Variants in FGF12 observed in about 807,000 individuals in gnomAD.
The protein encoded by FGF12 is fibroblast growth factor 12B.
In FGF12, 14 loss-of-function variants were observed where a neutral mutation model predicts 23.6. The ratio of observed to expected loss-of-function variants is 0.59; its 90% confidence interval spans 0.39 to 0.93. The LOEUF (loss-of-function observed/expected upper bound fraction) is 0.93, where lower values mean the gene tolerates loss of function less well. Ranked by LOEUF, FGF12 falls within the 40% of genes least tolerant of loss-of-function variation. The pLI is 0.00. For missense variants in FGF12, 175 were observed against 217.8 expected, an observed-to-expected ratio of 0.80 and a Z score of 1.24; for synonymous variants, 62 against 77.3, an observed-to-expected ratio of 0.80 and a Z score of 1.04.
At chr3:192,261,556 G>T (rs185615603) in intron 4 of FGF12, among the ~76,000 whole-genome samples, 3 of 152,300 alleles carry the variant, frequency 2.0e-5, no homozygotes, top group East Asian at 3.9e-4. Context: ...GTGATCTAAA[G>T]TGTCTGTAGA....
chr3:192,688,828 G>A (rs139773009), intron 2 of FGF12, among the ~76,000 whole-genome samples: 3 of 152,120 alleles, frequency 2.0e-5, no homozygotes, highest in African/African-American at 7.2e-5. Context: ...GCAAAAACAT[G>A]GAATCAACCT....
Position 192,627,728 on chromosome 3 carries a change from G to A in FGF12, c.13+99453C>T, listed in dbSNP as rs561001885. ...GTAAGAAATAATGTAGAGAGAACCC[G>A]TGTATACTTTACGTAGTTTCCCCCA... On this transcript the variant is annotated intron_variant, in intron 2 of 5. Coordinates refer to ENST00000445105, the MANE Select transcript of FGF12 (RefSeq NM_004113.6). Among the ~76,000 whole-genome samples, 12 of 152,212 alleles carry A rather than the reference G, an allele frequency of 7.9e-5. No individual in the cohort carries two copies. The South Asian group carries it at 1.0e-3, about 13-fold the overall frequency.
chr3:192,539,792 G>T (rs1370242836), intron 2 of FGF12, among the ~76,000 whole-genome samples: 2 of 151,878 alleles, frequency 1.3e-5, no homozygotes, highest in Non-Finnish European at 2.9e-5. Flanking sequence ...GCTTTTCGTT[G>T]CTGGGTGACT....
chr3:192,260,095 T>C (rs939091324), intron 4 of FGF12, among the ~76,000 whole-genome samples: 1 of 152,132 alleles, frequency 6.6e-6, no homozygotes, highest in African/African-American at 2.4e-5. Flanking sequence ...TCTACGATAA[T>C]ATCAATAACC....
chr3:192,518,902 C>G (rs1401752361), intron 2 of FGF12, among the ~76,000 whole-genome samples: 2 of 151,292 alleles, frequency 1.3e-5, no homozygotes, highest in Non-Finnish European at 3.0e-5. Context: ...TGTTCCTCTT[C>G]TTCCTCCTTC....
At chr3:192,605,904 T>C (rs1198797878) in intron 2 of FGF12, among the ~76,000 whole-genome samples, 1 of 152,190 alleles carries the variant, frequency 6.6e-6, no homozygotes, top group African/African-American at 2.4e-5. Context: ...AAGGGAATGC[T>C]TATAAACTGT....
At chr3:192,277,606 A>G (rs2886705) in intron 4 of FGF12, among the ~76,000 whole-genome samples, 30,299 of 152,062 alleles carry the variant, frequency 0.2, 3,652 homozygotes, top group East Asian at 0.59. Context: ...CAGAACCTAC[A>G]ACTGTGTTGC....
At chr3:192,700,342 T>C (rs57712136) in intron 2 of FGF12, among the ~76,000 whole-genome samples, 1 of 152,200 alleles carries the variant, frequency 6.6e-6, no homozygotes, top group African/African-American at 2.4e-5. Context: ...GCCACAGTTA[T>C]TGAAATTTAA....
At chr3:192,699,334 G>A (rs779985079) in intron 2 of FGF12, among the ~76,000 whole-genome samples, 1 of 152,066 alleles carries the variant, frequency 6.6e-6, no homozygotes. Context: ...TTTCCTACAC[G>A]ATTTCAAGTC....
At chr3:192,602,526 A>G (rs1027998729) in intron 2 of FGF12, among the ~76,000 whole-genome samples, 2 of 152,042 alleles carry the variant, frequency 1.3e-5, no homozygotes, top group African/African-American at 4.8e-5. Context: ...AGTGTAGTTG[A>G]ATTAACGCTG....
chr3:192,444,593 C>G (rs549317667), intron 2 of FGF12, among the ~76,000 whole-genome samples: 2 of 152,276 alleles, frequency 1.3e-5, no homozygotes, highest in African/African-American at 4.8e-5. Context: ...TCAAACAAGC[C>G]TATGCCATAA....
chr3:192,389,622 TA>T (rs1240248246), intron 2 of FGF12, among the ~76,000 whole-genome samples: 1 of 152,202 alleles, frequency 6.6e-6, no homozygotes, highest in African/African-American at 2.4e-5. Context: ...TGATTCTACT[TA>T]AAATTATTTT....
chr3:192,462,634 G>C (rs1722897541), intron 2 of FGF12, among the ~76,000 whole-genome samples: 1 of 152,130 alleles, frequency 6.6e-6, no homozygotes, highest in Admixed American at 6.5e-5. Flanking sequence ...CTGACACAGA[G>C]TTATTGGCAA....
In FGF12 at chr3:192,502,426, AT is replaced by A. The variant is rs1251891845; in HGVS notation, c.14-141889del. ...GAGAACAGATCATCCCAAGAAGAGC[AT>A]GTCAGACTAATCTCTTTGCAATCTA... On this transcript the variant is annotated intron_variant, in intron 2 of 5. Coordinates refer to ENST00000445105, the MANE Select transcript of FGF12 (RefSeq NM_004113.6). Among the ~76,000 whole-genome samples, 13 of 152,332 alleles carry A rather than the reference AT, an allele frequency of 8.5e-5. No homozygotes were observed. The East Asian group carries it at 2.5e-3, about 29-fold the overall frequency.
chr3:192,314,165 G>T (rs1716106241), intron 4 of FGF12, among the ~76,000 whole-genome samples: 1 of 152,034 alleles, frequency 6.6e-6, no homozygotes, highest in African/African-American at 2.4e-5. Flanking sequence ...AGAACTGTGA[G>T]AAATGAATGT....
chr3:192,339,371 C>T (rs1357779457), intron 3 of FGF12, among the ~76,000 whole-genome samples: 1 of 152,180 alleles, frequency 6.6e-6, no homozygotes, highest in African/African-American at 2.4e-5. Context: ...CTTGACTCCA[C>T]CCACTCTTTA....
chr3:192,548,647 C>T (rs531451793), intron 2 of FGF12, among the ~76,000 whole-genome samples: 32 of 152,254 alleles, frequency 2.1e-4, no homozygotes, highest in Non-Finnish European at 3.5e-4. Flanking sequence ...AGATTCTGAA[C>T]ATTATTATTA....
chr3:192,204,421 T>C (rs1296176985), intron 4 of FGF12, among the ~76,000 whole-genome samples: 1 of 152,212 alleles, frequency 6.6e-6, no homozygotes, highest in African/African-American at 2.4e-5. Flanking sequence ...CATATTTGTT[T>C]AGTGTCTACT....
chr3:192,225,857 G>C (rs1027302031), intron 4 of FGF12, among the ~76,000 whole-genome samples: 1 of 152,124 alleles, frequency 6.6e-6, no homozygotes, highest in African/African-American at 2.4e-5. Flanking sequence ...GCCATAAAAG[G>C]CTACATATTG....
Sources: allele counts gnomAD v4.1 joint callset (sites outside exome capture counted in the v4.1 genomes callset), GRCh38; gene constraint gnomAD v4.1.1; transcripts MANE v1.5; gene names NCBI Gene and HGNC (gene_info 2026-07-23, HGNC 2026-07-21).